The following RNF38 variants were observed in gnomAD, a reference collection of about 807,000 sequenced individuals.
RNF38 encodes the protein E3 ubiquitin-protein ligase RNF38.
Under a neutral mutation model 67.2 loss-of-function variants are expected in RNF38, and 15 were observed. The observed-to-expected ratio is 0.22, with a 90% CI of 0.15 to 0.34. The LOEUF is 0.34. Ranked by LOEUF, RNF38 falls within the 10% of genes least tolerant of loss-of-function variation. The pLI, the probability that RNF38 is intolerant of heterozygous loss-of-function variation, is 1.00. For synonymous variants in RNF38, 220 were observed against 218.8 expected (o/e 1.01, Z -0.05); for missense variants, 524 against 639.9 (o/e 0.82, Z 1.95).
chr9:36,352,002 GAAAT>G (rs1487420066), intron 8 of RNF38, among the ~76,000 whole-genome samples: 2 of 152,132 alleles, frequency 1.3e-5, no homozygotes, highest in Non-Finnish European at 2.9e-5. Flanking sequence ...ATGTGAGACA[GAAAT>G]AAATAATTAC....
intron 1 of RNF38, among the ~76,000 whole-genome samples, chr9:36,429,943 G>A (rs1389414330): frequency 6.6e-6 from 1 of 152,130 alleles, no homozygotes; most frequent in Non-Finnish European, 1.5e-5. Flanking sequence ...GGAACCTACA[G>A]ATATAGAGGG....
At chr9:36,356,252 T>C in intron 6 of RNF38, 51 bp downstream of exon 6, 5 of 1,575,648 alleles carry the variant, frequency 3.2e-6, no homozygotes, top group Non-Finnish European at 4.3e-6. Context: ...CTGAAAAAAT[T>C]AAAAATTAGT....
chr9:36,442,721 G>C (rs1460104305), intron 1 of RNF38, among the ~76,000 whole-genome samples: 1 of 152,256 alleles, frequency 6.6e-6, no homozygotes, highest in African/African-American at 2.4e-5. Flanking sequence ...AGAGGTTGCA[G>C]CGAGCCGAGA....
At chr9:36,455,761 TA>T (rs1839576621) in intron 1 of RNF38, among the ~76,000 whole-genome samples, 1 of 150,772 alleles carries the variant, frequency 6.6e-6, no homozygotes, top group Non-Finnish European at 1.5e-5. Context: ...CCGTCTCTAC[TA>T]AAAGTACAAA....
At chr9:36,341,605 G>A (rs1030324480) in intron 11 of RNF38, among the ~76,000 whole-genome samples, 2 of 151,728 alleles carry the variant, frequency 1.3e-5, no homozygotes, top group Admixed American at 6.6e-5. Context: ...AAATAGCCAG[G>A]TGCAGTATAT....
At chr9:36,360,612 G>A (rs7859108) in intron 4 of RNF38, among the ~76,000 whole-genome samples, 143,960 of 152,258 alleles carry the variant, frequency 0.95, 68,530 homozygotes, top group East Asian at 1. Flanking sequence ...CTCAAATTAG[G>A]GGTGTCCAAC....
At chr9:36,423,537 A>T (rs2134238771) in intron 2 of RNF38, among the ~76,000 whole-genome samples, 1 of 152,296 alleles carries the variant, frequency 6.6e-6, no homozygotes, top group Middle Eastern at 3.4e-3. Flanking sequence ...AGCCACTAGA[A>T]ATTGATGGTG....
chr9:36,465,146 C>G (rs1839830548), intron 1 of RNF38, among the ~76,000 whole-genome samples: 1 of 152,160 alleles, frequency 6.6e-6, no homozygotes, highest in Non-Finnish European at 1.5e-5. Flanking sequence ...TTAGAACCCT[C>G]GTACACTGCT....
chr9:36,406,141 C>T (rs1838175961), upstream of RNF38, among the ~76,000 whole-genome samples: 1 of 152,208 alleles, frequency 6.6e-6, no homozygotes, highest in Non-Finnish European at 1.5e-5. Context: ...TTGTATATCA[C>T]TGACACCGAT....
intron 1 of RNF38, among the ~76,000 whole-genome samples, chr9:36,443,176 C>T (rs570386544): frequency 1.3e-5 from 2 of 152,268 alleles, no homozygotes; most frequent in South Asian, 4.1e-4. Context: ...ATAGATTAAG[C>T]TCCTAGAGAG....
intron 1 of RNF38, among the ~76,000 whole-genome samples, chr9:36,443,124 T>A (rs1839230894): frequency 6.6e-6 from 1 of 152,246 alleles, no homozygotes; most frequent in African/African-American, 2.4e-5. Flanking sequence ...AAAACGTTAT[T>A]TTTAAGTATC....
chr9:36,442,448 A>G (rs1388441212), intron 1 of RNF38, among the ~76,000 whole-genome samples: 1 of 152,212 alleles, frequency 6.6e-6, no homozygotes, highest in African/African-American at 2.4e-5. Flanking sequence ...CCAAACTGTC[A>G]GCTTAATTAT....
Position 36,357,928 on chromosome 9 carries a change from T to C in RNF38, c.585A>G (p.Thr195=). Reference sequence around the variant, plus strand: ...TTGTTACTGTGTAAGAAACAGGGACTGTTCCTTGATGGAGCTTTAAAGGAA... The same window carrying C: ...TTGTTACTGTGTAAGAAACAGGGACCGTTCCTTGATGGAGCTTTAAAGGAA... The part of the protein sequence containing the change: ...VDIHDQLHQG[T]VPVSYTVTTV... The change falls in exon 5 of 12, where the codon ACA becomes ACG. Residue 195 remains threonine (T), a synonymous_variant. Transcript: ENST00000259605. 1.2e-6 allele frequency: 2 copies of C among 1,612,712 alleles called. No individual in the cohort carries two copies. Among genetic ancestry groups the C allele is most frequent in the African/African-American group, 2.7e-5 (2 of 75,046 alleles).
intron 1 of RNF38, among the ~76,000 whole-genome samples, chr9:36,483,201 C>T (rs79799455): frequency 6.6e-6 from 1 of 152,054 alleles, no homozygotes; most frequent in Non-Finnish European, 1.5e-5. Flanking sequence ...GCCTGGCCAA[C>T]ATGGTGAAAC....
chr9:36,359,072 T>G (rs1834332255), intron 4 of RNF38, among the ~76,000 whole-genome samples: 1 of 152,066 alleles, frequency 6.6e-6, no homozygotes, highest in Non-Finnish European at 1.5e-5. Flanking sequence ...AGGCGGAAGC[T>G]TTGGCCTCCC....
At chr9:36,350,234 A>T (rs2133455498) in intron 9 of RNF38, among the ~76,000 whole-genome samples, 1 of 152,350 alleles carries the variant, frequency 6.6e-6, no homozygotes, top group East Asian at 1.9e-4. Flanking sequence ...GGTTCAGAAC[A>T]TGCATGGTCT....
chr9:36,407,202 G>A (rs1221915716), intron 2 of RNF38, among the ~76,000 whole-genome samples: 4 of 152,172 alleles, frequency 2.6e-5, no homozygotes, highest in East Asian at 1.9e-4. Context: ...AGCAGCTGCC[G>A]GCTATAGCAG....
intron 6 of RNF38, among the ~76,000 whole-genome samples, chr9:36,354,320 G>A (rs1014167622): frequency 1.3e-5 from 2 of 152,180 alleles, no homozygotes; most frequent in African/African-American, 4.8e-5. Context: ...AGCCTCCTGA[G>A]TAGCTGGGGC....
intron 1 of RNF38, among the ~76,000 whole-genome samples, chr9:36,486,059 T>A (rs1840403059): frequency 6.6e-6 from 1 of 152,144 alleles, no homozygotes; most frequent in Non-Finnish European, 1.5e-5. Flanking sequence ...CATCCCAATC[T>A]TTTTCTCCAG....
Sources: gnomAD v4.1 joint callset for allele counts (sites outside exome capture counted in the v4.1 genomes callset) on GRCh38, gnomAD v4.1.1 for gene constraint, MANE v1.5 for transcripts, NCBI Gene and HGNC (gene_info 2026-07-23, HGNC 2026-07-21) for gene names.